Variants in NCK1 observed in about 807,000 individuals in gnomAD.
NCK1 encodes the protein NCK adaptor protein 1.
In NCK1, 19 loss-of-function variants were observed where a neutral mutation model predicts 36.6. The ratio of observed to expected loss-of-function variants is 0.52; its 90% CI spans 0.36 to 0.76. NCK1 has a LOEUF of 0.76. Among genes scored for constraint, NCK1 ranks in the 30% least tolerant of loss-of-function variants. NCK1 has a pLI of 0.00. For missense variants in NCK1, 358 were observed against 445.6 expected (o/e 0.80, Z 1.77); for synonymous variants, 165 against 156.0 (o/e 1.06, Z -0.43).
At chr3:136,947,833 A>G (rs1940867780) in intron 3 of NCK1, among the ~76,000 whole-genome samples, 1 of 152,152 alleles carries the variant, frequency 6.6e-6, no homozygotes, top group Admixed American at 6.5e-5. Flanking sequence ...TATCTCTAAG[A>G]CAGCTACTGT....
chr3:136,886,120 A>G (rs1939067183), intron 1 of NCK1, among the ~76,000 whole-genome samples: 2 of 152,306 alleles, frequency 1.3e-5, no homozygotes, highest in East Asian at 1.9e-4. Flanking sequence ...ATTAAAGTCA[A>G]ATGAGGGAAT....
intron 1 of NCK1, among the ~76,000 whole-genome samples, chr3:136,877,113 G>A (rs1485943142): frequency 6.6e-6 from 1 of 152,060 alleles, no homozygotes; most frequent in Non-Finnish European, 1.5e-5. Flanking sequence ...TTAGAATAAT[G>A]AGACAAAAAT....
At chr3:136,914,816 T>C (rs1381150723) in intron 1 of NCK1, among the ~76,000 whole-genome samples, 1 of 152,188 alleles carries the variant, frequency 6.6e-6, no homozygotes, top group Middle Eastern at 3.2e-3. Flanking sequence ...ATGTTGGAAG[T>C]GGGGCCTAAT....
intron 1 of NCK1, among the ~76,000 whole-genome samples, chr3:136,865,189 C>T (rs1235861358): frequency 6.6e-6 from 1 of 152,120 alleles, no homozygotes; most frequent in Non-Finnish European, 1.5e-5. Flanking sequence ...AACTCCTGAC[C>T]TCGTGATCCA....
chr3:136,920,283 TC>T (rs1244042354), intron 1 of NCK1, among the ~76,000 whole-genome samples: 3 of 152,076 alleles, frequency 2.0e-5, no homozygotes, highest in Non-Finnish European at 4.4e-5. Flanking sequence ...CAAATAAAAT[TC>T]CATCTAATTC....
At chr3:136,929,557 G>A (rs1026797940) in intron 2 of NCK1, among the ~76,000 whole-genome samples, 7 of 152,190 alleles carry the variant, frequency 4.6e-5, no homozygotes, top group Admixed American at 2.6e-4. Context: ...AGTAGCAGAA[G>A]AGACCAGGGT....
chr3:136,886,154 A>G (rs560672491), intron 1 of NCK1, among the ~76,000 whole-genome samples: 2 of 152,364 alleles, frequency 1.3e-5, no homozygotes, highest in Admixed American at 1.3e-4. Context: ...GCATGGGTTA[A>G]TAAAATTGTA....
chr3:136,923,798 A>T (rs1372439119), intron 1 of NCK1, among the ~76,000 whole-genome samples: 36 of 152,224 alleles, frequency 2.4e-4, no homozygotes, highest in Non-Finnish European at 2.9e-5. Flanking sequence ...GAACCATCCA[A>T]ATGTTTTACA....
At chr3:136,899,390 C>T in intron 1 of NCK1, 1 of 242,084 alleles carries the variant, frequency 4.1e-6, no homozygotes, top group Non-Finnish European at 8.5e-6. Context: ...TCTTTCTTTT[C>T]TACTGGGGAT....
At chr3:136,920,256 T>A (rs563901159) in intron 1 of NCK1, among the ~76,000 whole-genome samples, 26 of 151,706 alleles carry the variant, frequency 1.7e-4, no homozygotes, top group South Asian at 4.2e-4. Flanking sequence ...TCTTTTTTTT[T>A]AAAAAATAGT....
At chr3:136,868,451 C>G (rs1357431227) in intron 1 of NCK1, among the ~76,000 whole-genome samples, 1 of 151,874 alleles carries the variant, frequency 6.6e-6, no homozygotes, top group East Asian at 1.9e-4. Flanking sequence ...CCTCAGCCTC[C>G]TAAGTAGCTG....
intron 1 of NCK1, among the ~76,000 whole-genome samples, chr3:136,922,143 T>C (rs1940126779): frequency 6.6e-6 from 1 of 152,334 alleles, no homozygotes; most frequent in African/African-American, 2.4e-5. Context: ...GGTTTGTTAT[T>C]GGCATTTATC....
intron 2 of NCK1, 62 bp downstream of exon 2, chr3:136,928,289 T>A (rs1576983398): frequency 6.9e-7 from 1 of 1,440,064 alleles, no homozygotes; most frequent in African/African-American, 1.4e-5. Context: ...CTTAGTTCTT[T>A]GTACATAATT....
At chr3:136,905,926 G>C (rs1484212362) in intron 1 of NCK1, among the ~76,000 whole-genome samples, 1 of 152,078 alleles carries the variant, frequency 6.6e-6, no homozygotes. Context: ...CACCTGGCCA[G>C]ATTTTTTTGA....
At chr3:136,932,118 CAA>C (rs1288026754) in intron 2 of NCK1, among the ~76,000 whole-genome samples, 937 of 59,294 alleles carry the variant, frequency 0.016, 11 homozygotes, top group African/African-American at 0.051. Flanking sequence ...GACTCCATCT[CAA>C]AAAAAAAAAA....
At chr3:136,893,183 T>TGGAC (rs1939297230) in intron 1 of NCK1, among the ~76,000 whole-genome samples, 1 of 17,900 alleles carries the variant, frequency 5.6e-5, no homozygotes, top group African/African-American at 1.4e-4. Context: ...TGTGTGTATA[T>TGGAC]ATATATATAC....
chr3:136,892,025 A>T (rs977137157), intron 1 of NCK1, among the ~76,000 whole-genome samples: 4 of 152,120 alleles, frequency 2.6e-5, no homozygotes, highest in Non-Finnish European at 5.9e-5. Flanking sequence ...AGTAGCTAGG[A>T]CTATAGGTGC....
intron 2 of NCK1, among the ~76,000 whole-genome samples, chr3:136,930,012 T>C (rs1185498288): frequency 6.6e-6 from 1 of 152,224 alleles, no homozygotes; most frequent in Non-Finnish European, 1.5e-5. Flanking sequence ...ATTACAGTTA[T>C]TGCTACCTTT....
chr3:136,933,125 TAGTA>T (rs1481204335), intron 2 of NCK1, among the ~76,000 whole-genome samples: 1 of 152,200 alleles, frequency 6.6e-6, no homozygotes, highest in African/African-American at 2.4e-5. Flanking sequence ...GTAAAAAACT[TAGTA>T]AGAGCTGCTG....
Sources: allele counts gnomAD v4.1 joint callset (sites outside exome capture counted in the v4.1 genomes callset), GRCh38; gene constraint gnomAD v4.1.1; transcripts MANE v1.5; gene names NCBI Gene and HGNC (gene_info 2026-07-23, HGNC 2026-07-21).